The following CADM2 variants were observed in gnomAD, a reference collection of about 807,000 sequenced individuals.
The protein encoded by CADM2 is immunoglobulin superfamily member 4D.
CADM2 carries 12 observed loss-of-function variants against 49.8 expected under a neutral mutation model. The observed-to-expected ratio is 0.24, with a 90% confidence interval of 0.15 to 0.39. The LOEUF (loss-of-function observed/expected upper bound fraction) is 0.39. Ranked by LOEUF, CADM2 falls within the 10% of genes least tolerant of loss-of-function variation. The pLI is 1.00. For synonymous variants in CADM2, 214 were observed against 175.4 expected (o/e 1.22, Z -1.74); for missense variants, 378 against 492.3 (o/e 0.77, Z 2.20).
Position 86,059,349 on chromosome 3 carries a change from C to T in CADM2, c.971-6256C>T, listed in dbSNP as rs947404233. The stretch of plus-strand genomic sequence containing the variant: ...CTATAAATTAGTGTTATTTTTCACT[C>T]GTAAATATTTAAAATTACTGAACTT... On this transcript the variant is annotated intron_variant, in intron 8 of 9. Transcript: ENST00000383699. Among the ~76,000 whole-genome samples, 4 of 152,168 alleles carry T rather than the reference C, an allele frequency of 2.6e-5. No homozygotes were observed. The East Asian group carries it at 5.8e-4, about 22-fold the overall frequency.
intron 1 of CADM2, among the ~76,000 whole-genome samples, chr3:85,519,291 G>T (rs985249966): frequency 2.6e-5 from 4 of 151,978 alleles, no homozygotes; most frequent in African/African-American, 7.2e-5. Context: ...ACAAAGTAAA[G>T]AATACAAAAT....
chr3:85,707,544 A>G (rs1041618194), intron 1 of CADM2, among the ~76,000 whole-genome samples: 1 of 152,060 alleles, frequency 6.6e-6, no homozygotes, highest in Non-Finnish European at 1.5e-5. Context: ...TCTTAAACAG[A>G]ATAGTACATC....
intron 3 of CADM2, among the ~76,000 whole-genome samples, chr3:85,846,634 A>G (rs1422757825): frequency 6.6e-6 from 1 of 152,158 alleles, no homozygotes; most frequent in Non-Finnish European, 1.5e-5. Flanking sequence ...TGAGAGGCTG[A>G]GGCAGGACAA....
At chr3:85,565,348 A>G (rs2062227100) in intron 1 of CADM2, among the ~76,000 whole-genome samples, 1 of 152,082 alleles carries the variant, frequency 6.6e-6, no homozygotes, top group African/African-American at 2.4e-5. Context: ...CTTTCATGTA[A>G]AAGTTCCTTC....
chr3:85,837,611 A>T (rs2074465109), intron 3 of CADM2, among the ~76,000 whole-genome samples: 1 of 151,612 alleles, frequency 6.6e-6, no homozygotes, highest in African/African-American at 2.4e-5. Flanking sequence ...TGCTTCAGCA[A>T]TCATTTTTGA....
chr3:85,319,145 A>G (rs1334395975), intron 1 of CADM2, among the ~76,000 whole-genome samples: 1 of 152,216 alleles, frequency 6.6e-6, no homozygotes, highest in Non-Finnish European at 1.5e-5. Flanking sequence ...AGAAGTTCTG[A>G]TAATAAATCA....
chr3:85,756,355 A>G (rs2069121698), intron 2 of CADM2, among the ~76,000 whole-genome samples: 1 of 152,180 alleles, frequency 6.6e-6, no homozygotes, highest in African/African-American at 2.4e-5. Flanking sequence ...GGACCAAATT[A>G]GGCAATGATT....
chr3:85,073,522 A>G (rs1398315507), intron 1 of CADM2, among the ~76,000 whole-genome samples: 2 of 152,050 alleles, frequency 1.3e-5, no homozygotes, highest in Non-Finnish European at 2.9e-5. Context: ...TTCACTGGAA[A>G]CCCTCTAATG....
intron 1 of CADM2, among the ~76,000 whole-genome samples, chr3:85,509,841 C>G (rs983905807): frequency 6.6e-6 from 1 of 151,876 alleles, no homozygotes; most frequent in African/African-American, 2.4e-5. Flanking sequence ...AATACTCTAT[C>G]CATTTAAAGT....
intron 1 of CADM2, among the ~76,000 whole-genome samples, chr3:85,524,985 A>G (rs1256291445): frequency 2.6e-5 from 4 of 152,124 alleles, no homozygotes; most frequent in African/African-American, 9.7e-5. Context: ...GGAGTGGAAC[A>G]TCACACATCA....
chr3:85,384,286 G>A (rs1033615907), intron 1 of CADM2, among the ~76,000 whole-genome samples: 6 of 151,750 alleles, frequency 4.0e-5, no homozygotes, highest in African/African-American at 1.5e-4. Context: ...TTCACCATTG[G>A]GTGTTAAATT....
intron 1 of CADM2, among the ~76,000 whole-genome samples, chr3:85,227,230 A>T (rs1198617624): frequency 6.6e-6 from 1 of 152,010 alleles, no homozygotes; most frequent in East Asian, 1.9e-4. Flanking sequence ...GGAGTGTTAA[A>T]ATCTCCCACT....
chr3:85,377,028 A>G (rs938322198), intron 1 of CADM2, among the ~76,000 whole-genome samples: 1 of 152,104 alleles, frequency 6.6e-6, no homozygotes, highest in African/African-American at 2.4e-5. Context: ...CCTACATAAC[A>G]GAATCTGACC....
intron 1 of CADM2, among the ~76,000 whole-genome samples, chr3:85,308,265 GT>G (rs771753847): frequency 9.5e-4 from 141 of 147,774 alleles, no homozygotes; most frequent in Admixed American, 2.9e-3. Flanking sequence ...TAAGATTCAA[GT>G]TTTTTTTTAT....
intron 1 of CADM2, among the ~76,000 whole-genome samples, chr3:85,568,465 CTT>C (rs1225829433): frequency 0.013 from 84 of 6,454 alleles, 6 homozygotes; most frequent in East Asian, 0.032. Flanking sequence ...CTTTCTTTCT[CTT>C]TCTCTCTCTT....
intron 1 of CADM2, among the ~76,000 whole-genome samples, chr3:85,117,417 A>T (rs1328620242): frequency 6.6e-6 from 1 of 152,176 alleles, no homozygotes; most frequent in East Asian, 1.9e-4. Flanking sequence ...ACTTAATTAA[A>T]ACTAATTAAC....
intron 8 of CADM2, among the ~76,000 whole-genome samples, chr3:86,019,002 T>C (rs1442284728): frequency 7.7e-6 from 1 of 130,658 alleles, no homozygotes; most frequent in Non-Finnish European, 1.6e-5. Context: ...AGGGTTTTTA[T>C]GGTTTTAGGT....
At position 85,543,420 on chromosome 3, in the gene CADM2, A is replaced by ATGTGTGTGGGGGGGTGTGTGTGTGTG. The variant is rs372108050; in HGVS notation, c.62-183094_62-183093insGGGGGGTGTGTGTGTGTGTGTGTGTG. On this transcript the variant is annotated intron_variant, in intron 1 of 9. Transcript: ENST00000383699. Reference sequence around the variant, plus strand: ...CAGGCACCGCCACCATGCCAAGCTAATGTGTGTGTGTGTGTGTGTGTGTGT... The same window carrying ATGTGTGTGGGGGGGTGTGTGTGTGTG: ...CAGGCACCGCCACCATGCCAAGCTAATGTGTGTGGGGGGGTGTGTGTGTGTGTGTGTGTGTGTGTGTGTGTGTGTGT... 5.1e-3 allele frequency among the ~76,000 whole-genome samples: 656 copies of ATGTGTGTGGGGGGGTGTGTGTGTGTG among 129,630 alleles called. 8 individuals carry two copies. The highest frequency in any genetic ancestry group is 0.013 in the Admixed American group (161 of 12,538). 85.0% of individuals were successfully genotyped at this position (129,630 alleles called of 152,430 possible). A position where few individuals can be genotyped will look rare whatever the true frequency, so the allele number is the denominator to read the frequency against.
rs570495344 is a variant in CADM2 at position 85,351,050 on chromosome 3, A to G, written c.62-375472A>G. Among the ~76,000 whole-genome samples the G allele has an allele frequency of 2.2e-3, 342 of 152,260 alleles. 3 individuals carry two copies. Among genetic ancestry groups the G allele is most frequent in the African/African-American group, 7.8e-3 (324 of 41,570 alleles). ...ACCAAGTTTTTTATTTAATAGGCTT[A>G]CTCTACCTCTTCATGTTTATCACTT... On this transcript the variant is annotated intron_variant, in intron 1 of 9. Transcript: ENST00000383699.
Sources: gnomAD v4.1 joint callset for allele counts (sites outside exome capture counted in the v4.1 genomes callset) on GRCh38, gnomAD v4.1.1 for gene constraint, MANE v1.5 for transcripts, NCBI Gene and HGNC (gene_info 2026-07-23, HGNC 2026-07-21) for gene names.